The following ARHGEF18 variants were observed in gnomAD, a reference collection of about 807,000 sequenced individuals.
The protein encoded by ARHGEF18 is rho guanine nucleotide exchange factor 18.
A neutral mutation model predicts 155.7 loss-of-function variants in ARHGEF18; 93 were observed. That is an observed-to-expected ratio of 0.60 (90% confidence interval 0.50 to 0.71). The LOEUF (loss-of-function observed/expected upper bound fraction) is 0.71, where lower values mean the gene tolerates loss of function less well. Among genes scored for constraint, ARHGEF18 ranks in the 30% least tolerant of loss-of-function variants. ARHGEF18 has a pLI of 0.00. For missense variants in ARHGEF18, 1,593 were observed against 1,816.1 expected (o/e 0.88, Z 2.23); for synonymous variants, 742 against 753.1 (o/e 0.99, Z 0.24).
chr19:7,409,697 C>T (rs1486758581), intron 10 of ARHGEF18, among the ~76,000 whole-genome samples: 1 of 151,912 alleles, frequency 6.6e-6, no homozygotes, highest in Non-Finnish European at 1.5e-5. Flanking sequence ...CCACCTCGGC[C>T]TCCCAGAGTG....
intron 17 of ARHGEF18, among the ~76,000 whole-genome samples, chr19:7,455,385 C>G (rs1245910358): frequency 6.6e-6 from 1 of 152,230 alleles, no homozygotes; most frequent in Non-Finnish European, 1.5e-5. Context: ...AAAAGCGTAT[C>G]TGACTTAGAC....
Position 7,395,161 on chromosome 19 carries a change from C to G in ARHGEF18, c.967+11958C>G. 1.0e-6 allele frequency: 1 copy of G among 985,954 alleles called. No homozygotes were observed. The highest frequency in any genetic ancestry group is 1.2e-6 in the Non-Finnish European group (1 of 830,328). 61.1% of individuals were successfully genotyped at this position (985,954 alleles called of 1,614,324 possible). A position where few individuals can be genotyped will look rare whatever the true frequency, so the allele number is the denominator to read the frequency against. On this transcript the variant is annotated intron_variant, in intron 10 of 28. Transcript: ENST00000668164. The surrounding 1 kb of genome is among the most constrained non-coding windows in gnomAD (Gnocchi z 5.0). The stretch of plus-strand genomic sequence containing the variant: ...CTCCCAGCTGCTAGCTACTGTGGAT[C>G]TGGGGGGGCCGGACGGAGGCATCGG...
At chr19:7,369,538 C>T (rs1970104166) in intron 2 of ARHGEF18, among the ~76,000 whole-genome samples, 1 of 151,772 alleles carries the variant, frequency 6.6e-6, no homozygotes, top group South Asian at 2.1e-4. Context: ...GTGGCTCATG[C>T]CCGTAATCCC....
chr19:7,424,390 A>C (rs1221278640), intron 10 of ARHGEF18, among the ~76,000 whole-genome samples: 2 of 152,162 alleles, frequency 1.3e-5, no homozygotes, highest in African/African-American at 4.8e-5. Flanking sequence ...CCTTGGGAAA[A>C]GCAATTTGGT....
intron 1 of ARHGEF18, among the ~76,000 whole-genome samples, chr19:7,361,914 C>T (rs1339093592): frequency 2.0e-5 from 3 of 151,614 alleles, no homozygotes; most frequent in Non-Finnish European, 2.9e-5. Context: ...ATGGCTTGAA[C>T]TCGGGAGGCG....
At chr19:7,428,853 G>A (rs1973803934) in intron 10 of ARHGEF18, among the ~76,000 whole-genome samples, 1 of 152,230 alleles carries the variant, frequency 6.6e-6, no homozygotes, top group African/African-American at 2.4e-5. Flanking sequence ...TAGCCTGCAT[G>A]GCTGTGTGCT....
chr19:7,444,573 C>A lies in ARHGEF18; in HGVS notation c.1611+119C>A. 7.2e-7 allele frequency: 1 copy of A among 1,388,858 alleles called. No individual in the cohort carries two copies. Among genetic ancestry groups the A allele is most frequent in the Non-Finnish European group, 9.6e-7 (1 of 1,038,814 alleles). 86.0% of individuals were successfully genotyped at this position (1,388,858 alleles called of 1,614,324 possible). On this transcript the variant is annotated intron_variant, in intron 14 of 28. Coordinates refer to ENST00000668164, the MANE Select transcript of ARHGEF18 (RefSeq NM_001367823.1). The surrounding 1 kb of genome is among the most constrained non-coding windows in gnomAD (Gnocchi z 4.7). ...TCGCCCAGGCTGGAGTGCAGTGGTG[C>A]AGTCACAGCTCAATGCAGCCTCAAC... is the stretch of plus-strand genomic sequence containing the variant.
chr19:7,366,344 C>T lies in ARHGEF18; in HGVS notation c.15+3439C>T, dbSNP rs112550754. On this transcript the variant is annotated intron_variant, in intron 2 of 28. Coordinates refer to ENST00000668164, the MANE Select transcript of ARHGEF18 (RefSeq NM_001367823.1). ...AATCCATGCTTTGGCCAACCAGACTCGTGTTCCCCAACGGTCCACACCTCA... is the reference window on the plus strand; with the variant it reads ...AATCCATGCTTTGGCCAACCAGACTTGTGTTCCCCAACGGTCCACACCTCA... Among the ~76,000 whole-genome samples, 583 of 152,326 alleles carry T rather than the reference C, an allele frequency of 3.8e-3. 4 individuals are homozygous for T. Among genetic ancestry groups the T allele is most frequent in the African/African-American group, 0.012 (514 of 41,580 alleles).
rs1972975632 is a variant in ARHGEF18, at chr19:7,415,872, A to G, written c.968-24472A>G. ...TGGATCGGATGGTAATTCTTTGTTT[A>G]ATTTTCACCCGCTTGCTAAAATTTC... On this transcript the variant is annotated intron_variant, in intron 10 of 28. Coordinates refer to ENST00000668164, the MANE Select transcript of ARHGEF18 (RefSeq NM_001367823.1). 3.9e-5 allele frequency among the ~76,000 whole-genome samples: 6 copies of G among 152,228 alleles called. No homozygotes were observed. The South Asian group carries it at 1.2e-3, about 32-fold the overall frequency.
At chr19:7,454,507 A>G (rs769078872) in intron 17 of ARHGEF18, among the ~76,000 whole-genome samples, 1 of 151,048 alleles carries the variant, frequency 6.6e-6, no homozygotes, top group African/African-American at 2.4e-5. Context: ...GAGTGGTGGC[A>G]TCCTCTCAGA....
At chr19:7,468,777 C>G in intron 26 of ARHGEF18, 48 bp from the exon 27 acceptor site, 1 of 1,479,840 alleles carries the variant, frequency 6.8e-7, no homozygotes, top group Non-Finnish European at 9.0e-7. Flanking sequence ...CTCCAGAGGC[C>G]GCACAGCAGG....
intron 1 of ARHGEF18, among the ~76,000 whole-genome samples, chr19:7,350,143 G>T (rs1382856753): frequency 2.0e-5 from 3 of 152,152 alleles, no homozygotes; most frequent in African/African-American, 7.2e-5. Context: ...TGGGAGGGGT[G>T]GGGGAGGAAG....
At position 7,392,815 on chromosome 19, in the gene ARHGEF18, A is replaced by G. The variant is rs1244520299; in HGVS notation, c.967+9612A>G. 2.0e-5 allele frequency: 3 copies of G among 151,876 alleles called. No individual in the cohort carries two copies. In the East Asian group the frequency reaches 5.8e-4, roughly 29 times the overall value. 9.4% of individuals were successfully genotyped at this position (151,876 alleles called of 1,614,324 possible). On this transcript the variant is annotated intron_variant, in intron 10 of 28. Coordinates refer to ENST00000668164, the MANE Select transcript of ARHGEF18 (RefSeq NM_001367823.1). ...ACACCTACAATCCTGGCATCATAGG[A>G]GGCCCAGGCGGGCAGATCACTTGAG...
In ARHGEF18 at chr19:7,468,936, G is replaced by T; in HGVS notation, c.3592G>T (p.Ala1198Ser). The T allele has an allele frequency of 6.3e-7, 1 of 1,575,390 alleles. No individual in the cohort carries two copies. The highest frequency in any genetic ancestry group is 8.6e-7 in the Non-Finnish European group (1 of 1,162,042). The change falls in exon 27 of 29, where the codon GCT becomes TCT. Residue 1198 changes from alanine to serine, a missense_variant. By Grantham distance (99) the Ala-to-Ser change is moderately conservative. Transcript: ENST00000668164. Reference sequence around the variant, plus strand: ...AGAGTACGCAGAGCGCCCCGAGGTGGCTCGCCGGGACAGCGCCCCCACCGA... The same window carrying T: ...AGAGTACGCAGAGCGCCCCGAGGTGTCTCGCCGGGACAGCGCCCCCACCGA... ...GPEYAERPEV[A>S]RRDSAPTENR... is the part of the protein sequence containing the mutation.
In ARHGEF18 at chr19:7,471,875, C is replaced by T. The variant is rs1021574283; in HGVS notation, c.*1577C>T. 1 of 152,342 alleles carries T rather than the reference C, an allele frequency of 6.6e-6. No homozygotes were observed. The highest frequency in any genetic ancestry group is 1.5e-5 in the Non-Finnish European group (1 of 68,076). The allele number at this position is 152,342 out of a possible 1,614,324, so 9.4% of individuals were successfully genotyped here. A position where few individuals can be genotyped will look rare whatever the true frequency, so the allele number is the denominator to read the frequency against. On this transcript the variant is annotated 3_prime_UTR_variant, in exon 29 of 29. Coordinates refer to ENST00000668164, the MANE Select transcript of ARHGEF18 (RefSeq NM_001367823.1). The surrounding 1 kb of genome is among the most constrained non-coding windows in gnomAD (Gnocchi z 4.4). ...GGCCAGGTGTCCCCAGGCTCCTGGC[C>T]CCTCCGACGACCTCAACTCTGCCCA...
At position 7,383,216 on chromosome 19, in the gene ARHGEF18, G is replaced by A. The variant is rs1970830382; in HGVS notation, c.967+13G>A. On this transcript the variant is annotated intron_variant, in intron 10 of 28. Coordinates refer to ENST00000668164, the MANE Select transcript of ARHGEF18 (RefSeq NM_001367823.1). The stretch of plus-strand genomic sequence containing the variant: ...TTCTTGAGCTCAGGTAAGTCTGGTG[G>A]CCCAATCCATCCTCCTGGAGGGCAG... 8.1e-7 allele frequency: 1 copy of A among 1,232,374 alleles called. No individual in the cohort carries two copies. The highest frequency in any genetic ancestry group is 1.0e-6 in the Non-Finnish European group (1 of 988,170). The allele number at this position is 1,232,374 out of a possible 1,614,324, so 76.3% of individuals were successfully genotyped here.
Position 7,440,282 on chromosome 19 carries a change from CG to C in ARHGEF18, c.968-58del. The C allele has an allele frequency of 1.3e-6, 2 of 1,569,922 alleles. No individual in the cohort carries two copies. Among genetic ancestry groups the C allele is most frequent in the Non-Finnish European group, 1.7e-6 (2 of 1,157,968 alleles). ...CGCAGTCGGAGCGGGGCTTCCGCGC[CG>C]GGGACCTCCGCTACCCGACCCACTT... On this transcript the variant is annotated intron_variant, in intron 10 of 28. Coordinates refer to ENST00000668164, the MANE Select transcript of ARHGEF18 (RefSeq NM_001367823.1). This position sits in a 1 kb window ranked among gnomAD's most constrained non-coding sequence, Gnocchi z 5.4.
chr19:7,448,640 A>G (rs766135857), intron 15 of ARHGEF18, among the ~76,000 whole-genome samples: 7 of 151,970 alleles, frequency 4.6e-5, no homozygotes, highest in Non-Finnish European at 7.4e-5. Context: ...CAGCCTGGGC[A>G]ACAAGAGCGA....
intron 10 of ARHGEF18, among the ~76,000 whole-genome samples, chr19:7,439,289 C>CA (rs1974477493): frequency 6.6e-6 from 1 of 150,862 alleles, no homozygotes; most frequent in East Asian, 2.0e-4. Flanking sequence ...GACCCCCCCC[C>CA]AACCTCTACA....
Sources: allele counts gnomAD v4.1 joint callset (sites outside exome capture counted in the v4.1 genomes callset), GRCh38; gene constraint gnomAD v4.1.1; non-coding constraint Gnocchi (gnomAD v3.1); transcripts MANE v1.5; gene names NCBI Gene and HGNC (gene_info 2026-07-23, HGNC 2026-07-21).